The following ANKS1B variants were observed in gnomAD, a reference collection of about 807,000 sequenced individuals.
ANKS1B encodes the protein ankyrin repeat and sterile alpha motif domain containing 1B, also known as ankyrin repeat and sterile alpha motif domain-containing protein 1B.
In ANKS1B, 36 loss-of-function variants were observed where a neutral mutation model predicts 148.3. The ratio of observed to expected loss-of-function variants is 0.24; its 90% CI spans 0.19 to 0.32. ANKS1B has a LOEUF of 0.32. Ranked by LOEUF, ANKS1B falls within the 10% of genes least tolerant of loss-of-function variation. The probability of loss-of-function intolerance (pLI) is 1.00; values close to 1 mark genes in which losing one functional copy is unlikely to be tolerated. For synonymous variants in ANKS1B, 542 were observed against 560.8 expected, an observed-to-expected ratio of 0.97 and a Z score of 0.47; for missense variants, 1,157 against 1,542.6, an observed-to-expected ratio of 0.75 and a Z score of 4.19.
intron 17 of ANKS1B, among the ~76,000 whole-genome samples, chr12:98,837,205 C>T (rs1269465466): frequency 7.3e-5 from 11 of 151,242 alleles, no homozygotes; most frequent in South Asian, 2.1e-4. Context: ...GGCATGGTGG[C>T]GCACGCCTGT....
intron 12 of ANKS1B, among the ~76,000 whole-genome samples, chr12:99,354,220 C>A (rs1236173527): frequency 6.6e-6 from 1 of 151,922 alleles, no homozygotes; most frequent in Non-Finnish European, 1.5e-5. Flanking sequence ...AACCAATGAC[C>A]CTTTTTCTGT....
At chr12:98,786,511 G>T (rs751057573) in intron 22 of ANKS1B, among the ~76,000 whole-genome samples, 7 of 151,966 alleles carry the variant, frequency 4.6e-5, no homozygotes, top group Non-Finnish European at 8.8e-5. Context: ...AATTATGAAC[G>T]GCTTGGTATC....
At chr12:99,109,241 AG>A (rs1471900103) in intron 15 of ANKS1B, among the ~76,000 whole-genome samples, 2 of 152,194 alleles carry the variant, frequency 1.3e-5, no homozygotes, top group Non-Finnish European at 2.9e-5. Flanking sequence ...TAAATGACAA[AG>A]GAAGTTAATT....
In ANKS1B at chr12:99,504,481, C is replaced by A. The variant is rs747587311; in HGVS notation, c.1433G>T (p.Arg478Ile). 5 of 1,611,794 alleles carry A rather than the reference C, an allele frequency of 3.1e-6. No homozygotes were observed. The Admixed American group carries it at 5.0e-5, about 16-fold the overall frequency. The change falls in exon 10 of 27, where the codon AGA becomes ATA. Residue 478 changes from arginine (R) to isoleucine (I), a missense_variant. By Grantham distance (97) the Arg-to-Ile change is moderately conservative. Coordinates refer to ENST00000683438, the MANE Select transcript of ANKS1B (RefSeq NM_001352186.2). ...TTGTGAGTAAGAGATATTACCAGTTCTTGGGGAAGGTGCCCTTGCAATTTC... is the reference window on the plus strand; with the variant it reads ...TTGTGAGTAAGAGATATTACCAGTTATTGGGGAAGGTGCCCTTGCAATTTC... Reference protein sequence around the residue: ...SLEIARAPSPRTDNASEVAVT... With the variant: ...SLEIARAPSPITDNASEVAVT...
intron 17 of ANKS1B, among the ~76,000 whole-genome samples, chr12:99,017,668 C>T (rs770946110): frequency 2.6e-5 from 4 of 152,118 alleles, no homozygotes; most frequent in Non-Finnish European, 4.4e-5. Flanking sequence ...ACCAAATTGT[C>T]CACAAAAACC....
chr12:99,894,508 C>CAAAA (rs777618998), intron 1 of ANKS1B, among the ~76,000 whole-genome samples: 8 of 64,230 alleles, frequency 1.2e-4, no homozygotes, highest in African/African-American at 2.3e-4. Flanking sequence ...GACCCTGTCT[C>CAAAA]AAAAAAAAAA....
At chr12:98,795,741 G>A in intron 22 of ANKS1B, 1 of 420,280 alleles carries the variant, frequency 2.4e-6, no homozygotes, top group Admixed American at 2.9e-5. Flanking sequence ...CATTGGAGAG[G>A]CAGTCCAGTC....
At chr12:99,699,409 G>A (rs1208343737) in intron 8 of ANKS1B, among the ~76,000 whole-genome samples, 1 of 151,986 alleles carries the variant, frequency 6.6e-6, no homozygotes, top group African/African-American at 2.4e-5. Flanking sequence ...ACTTTCTTAA[G>A]CTATAAAATC....
At chr12:99,209,815 C>T (rs2083118880) in intron 14 of ANKS1B, among the ~76,000 whole-genome samples, 3 of 152,146 alleles carry the variant, frequency 2.0e-5, no homozygotes, top group Admixed American at 2.0e-4. Context: ...CCACAAATAA[C>T]ATCTCTGACC....
At chr12:99,767,023 G>C (rs948599777) in intron 8 of ANKS1B, among the ~76,000 whole-genome samples, 7 of 151,884 alleles carry the variant, frequency 4.6e-5, no homozygotes, top group Non-Finnish European at 1.5e-5. Context: ...ATGAATTTTA[G>C]AACTAAATTA....
intron 12 of ANKS1B, among the ~76,000 whole-genome samples, chr12:99,266,573 C>G (rs779052785): frequency 2.0e-5 from 3 of 152,092 alleles, no homozygotes; most frequent in Non-Finnish European, 4.4e-5. Flanking sequence ...GTTTCTTGGC[C>G]TGGAAAGTAA....
chr12:98,945,652 A>G (rs1414397506), intron 17 of ANKS1B, among the ~76,000 whole-genome samples: 3 of 152,072 alleles, frequency 2.0e-5, no homozygotes, highest in Non-Finnish European at 2.9e-5. Flanking sequence ...TTTGAGTGAA[A>G]CCAGAATCAA....
chr12:99,127,459 T>TG (rs1200152639), intron 15 of ANKS1B, among the ~76,000 whole-genome samples: 9 of 151,946 alleles, frequency 5.9e-5, no homozygotes, highest in East Asian at 1.9e-4. Flanking sequence ...GAATTTCCAG[T>TG]GGGAAAAAAA....
chr12:98,820,570 C>G (rs1031883089), intron 19 of ANKS1B, among the ~76,000 whole-genome samples: 5 of 152,082 alleles, frequency 3.3e-5, no homozygotes, highest in African/African-American at 1.2e-4. Context: ...AAAATGACTA[C>G]GGAAGAGTGA....
At chr12:99,663,378 C>A (rs1044896207) in intron 8 of ANKS1B, among the ~76,000 whole-genome samples, 1 of 152,094 alleles carries the variant, frequency 6.6e-6, no homozygotes, top group Non-Finnish European at 1.5e-5. Context: ...CTGTTAAATA[C>A]GTTTCTATAA....
intron 17 of ANKS1B, among the ~76,000 whole-genome samples, chr12:98,904,222 T>C (rs2099775960): frequency 6.6e-6 from 1 of 152,044 alleles, no homozygotes; most frequent in East Asian, 1.9e-4. Context: ...GATCCAGTGA[T>C]GTACAGATGT....
intron 24 of ANKS1B, 29 bp from the exon 25 acceptor site, chr12:98,773,208 T>C (rs1187721051): frequency 3.2e-6 from 5 of 1,581,498 alleles, no homozygotes; most frequent in Non-Finnish European, 4.3e-6. Flanking sequence ...ATGATCATTG[T>C]TTTCCTCTGC....
intron 4 of ANKS1B, among the ~76,000 whole-genome samples, chr12:99,802,218 T>C: frequency 6.6e-6 from 1 of 152,208 alleles, no homozygotes; most frequent in East Asian, 1.9e-4. Flanking sequence ...TTTCCTTTAA[T>C]AGTCACATAA....
intron 10 of ANKS1B, among the ~76,000 whole-genome samples, chr12:99,467,080 T>G (rs370404904): frequency 2.0e-5 from 3 of 152,066 alleles, no homozygotes; most frequent in African/African-American, 4.8e-5. Flanking sequence ...ACATCAAAAA[T>G]CTTATCCACC....
Sources: gnomAD v4.1 joint callset for allele counts (sites outside exome capture counted in the v4.1 genomes callset) on GRCh38, gnomAD v4.1.1 for gene constraint, MANE v1.5 for transcripts, NCBI Gene and HGNC (gene_info 2026-07-23, HGNC 2026-07-21) for gene names.